ELFN1: variants seen among roughly 807,000 people sequenced by gnomAD.
The protein encoded by ELFN1 is protein ELFN1.
Under a neutral mutation model 7.6 loss-of-function variants are expected in ELFN1, and 6 were observed. The observed-to-expected ratio is 0.79, with a 90% CI of 0.43 to 1.56. ELFN1 has a LOEUF of 1.56. ELFN1 is among the 40% of genes most tolerant of loss of function. ELFN1 has a pLI of 0.01. For missense variants in ELFN1, 1,169 were observed against 1,232.2 expected (o/e 0.95, Z 0.77); for synonymous variants, 657 against 588.1 (o/e 1.12, Z -1.70).
chr7:1,747,790 T>A lies in ELFN1; in HGVS notation c.*707T>A. 6.0e-6 allele frequency: 1 copy of A among 165,824 alleles called. No individual in the cohort carries two copies. The allele number at this position is 165,824 out of a possible 1,614,324, so 10.3% of individuals were successfully genotyped here. A position where few individuals can be genotyped will look rare whatever the true frequency, so the allele number is the denominator to read the frequency against. ...GGCACGTCCCCCAGCCCAGCCCCCA[T>A]GTACACTGTAGTCGTTCTATTGTAC... On this transcript the variant is annotated 3_prime_UTR_variant, in exon 4 of 4. Coordinates refer to ENST00000424383, the MANE Select transcript of ELFN1 (RefSeq NM_001128636.4).
chr7:1,746,390 G>C lies in ELFN1; in HGVS notation c.1794G>C (p.Leu598=), dbSNP rs1033180867. The C allele has an allele frequency of 3.3e-6, 5 of 1,536,542 alleles. No individual in the cohort carries two copies. The East Asian group carries it at 7.4e-5, about 23-fold the overall frequency. ...CCGTGTCCGTCGCGGAGCCGCCGCT[G>C]GTGCTGCTGTCCGAGCCGCTGGCCG... The part of the protein sequence containing the change: ...SGPVSVAEPP[L]VLLSEPLAAK... Residue 598 remains leucine (L), a synonymous_variant, in exon 4 of 4, where the codon CTG becomes CTC. Coordinates refer to ENST00000424383, the MANE Select transcript of ELFN1 (RefSeq NM_001128636.4).
At chr7:1,712,310 C>T (rs1779681044) in intron 3 of ELFN1, among the ~76,000 whole-genome samples, 5 of 152,218 alleles carry the variant, frequency 3.3e-5, no homozygotes, top group African/African-American at 1.2e-4. Context: ...TTAGTAGAGA[C>T]GGGGTTTCAC....
At chr7:1,679,101 C>G (rs1355106174) in intron 1 of ELFN1, among the ~76,000 whole-genome samples, 1 of 152,116 alleles carries the variant, frequency 6.6e-6, no homozygotes, top group African/African-American at 2.4e-5. Flanking sequence ...ATGTTGGCAC[C>G]TACTCAGCTA....
At chr7:1,713,755 G>A (rs1779737372) in intron 3 of ELFN1, among the ~76,000 whole-genome samples, 1 of 152,190 alleles carries the variant, frequency 6.6e-6, no homozygotes, top group Non-Finnish European at 1.5e-5. Context: ...CTGGGGAGGG[G>A]GGGGCGATGT....
intron 3 of ELFN1, among the ~76,000 whole-genome samples, chr7:1,719,159 G>A (rs1346186370): frequency 2.3e-5 from 3 of 129,742 alleles, no homozygotes; most frequent in South Asian, 2.5e-4. Context: ...ACAGGGCCCC[G>A]CCCACCAACA....
At chr7:1,728,011 TC>T (rs1780242715) in intron 3 of ELFN1, among the ~76,000 whole-genome samples, 2 of 151,896 alleles carry the variant, frequency 1.3e-5, no homozygotes, top group South Asian at 4.2e-4. Context: ...GGCCGAGAGG[TC>T]CAAGCACCAC....
At chr7:1,729,689 C>T (rs549440915) in intron 3 of ELFN1, among the ~76,000 whole-genome samples, 2 of 152,248 alleles carry the variant, frequency 1.3e-5, no homozygotes, top group South Asian at 4.1e-4. Flanking sequence ...GTCAAGGTCT[C>T]TGCAGACTCC....
At chr7:1,700,038 AT>A (rs994632777) in intron 2 of ELFN1, among the ~76,000 whole-genome samples, 27 of 152,084 alleles carry the variant, frequency 1.8e-4, no homozygotes, top group African/African-American at 6.3e-4. Context: ...GGTGGTTTCC[AT>A]TTTTTTCCTT....
intron 3 of ELFN1, among the ~76,000 whole-genome samples, chr7:1,742,602 C>T (rs1780658247): frequency 1.3e-5 from 2 of 152,202 alleles, no homozygotes; most frequent in South Asian, 4.1e-4. Context: ...CCCCATTTTC[C>T]CTACCCAAGC....
intron 3 of ELFN1, among the ~76,000 whole-genome samples, chr7:1,721,782 C>T (rs778518324): frequency 6.6e-6 from 1 of 152,192 alleles, no homozygotes; most frequent in African/African-American, 2.4e-5. Flanking sequence ...CCAATCAGTA[C>T]CCCTGCCCAT....
chr7:1,683,055 T>C (rs60255963), intron 1 of ELFN1, among the ~76,000 whole-genome samples: 7,166 of 152,262 alleles, frequency 0.047, 470 homozygotes, highest in African/African-American at 0.15. Context: ...TTGCTGATAT[T>C]TTAAGGATTT....
chr7:1,693,385 C>T (rs1476572021), intron 2 of ELFN1: 1 of 471,128 alleles, frequency 2.1e-6, no homozygotes, highest in Non-Finnish European at 4.4e-6. Context: ...CAGCCGTGTA[C>T]ACACACTGGT....
chr7:1,738,557 T>G (rs1000680602), intron 3 of ELFN1: 1 of 152,336 alleles, frequency 6.6e-6, no homozygotes, highest in South Asian at 2.1e-4. Flanking sequence ...GAGCTATGAT[T>G]GTACCACTGC....
At chr7:1,685,805 CT>C (rs964669265) in intron 1 of ELFN1, among the ~76,000 whole-genome samples, 5 of 147,728 alleles carry the variant, frequency 3.4e-5, no homozygotes, top group African/African-American at 7.4e-5. Flanking sequence ...AATATATAAA[CT>C]GTTGAAAGAT....
intron 3 of ELFN1, among the ~76,000 whole-genome samples, chr7:1,724,782 C>T (rs1780139050): frequency 6.6e-6 from 1 of 152,326 alleles, no homozygotes; most frequent in South Asian, 2.1e-4. Context: ...GGTTCACGGC[C>T]ACCACTGCCC....
chr7:1,697,543 C>G (rs1162221841), intron 2 of ELFN1, among the ~76,000 whole-genome samples: 1 of 152,262 alleles, frequency 6.6e-6, no homozygotes, highest in Non-Finnish European at 1.5e-5. Context: ...CAGCTTCCCA[C>G]TGGCCTTGTC....
At chr7:1,686,793 A>G (rs1458168499) in intron 1 of ELFN1, among the ~76,000 whole-genome samples, 5 of 151,888 alleles carry the variant, frequency 3.3e-5, no homozygotes, top group African/African-American at 1.2e-4. Flanking sequence ...TCCCCTGTGT[A>G]TGTGTGGTAC....
Position 1,745,541 on chromosome 7 carries a change from C to T in ELFN1, c.945C>T (p.Ala315=). Residue 315 remains alanine, a synonymous_variant, in exon 4 of 4, where the codon GCC becomes GCT. Coordinates refer to ENST00000424383, the MANE Select transcript of ELFN1 (RefSeq NM_001128636.4). ...CCACGCTGGCCACGCAGGCCGAGGC[C>T]CGCCCCCTCATCAAGGTCAAGCAGC... is the stretch of plus-strand genomic sequence containing the variant. ...ALPTLATQAE[A]RPLIKVKQLT... 1.3e-6 allele frequency: 2 copies of T among 1,548,566 alleles called. No individual in the cohort carries two copies. Among genetic ancestry groups the T allele is most frequent in the East Asian group, 4.9e-5 (2 of 40,924 alleles).
chr7:1,744,519 C>T lies in ELFN1; in HGVS notation c.-78C>T, dbSNP rs1780718880. The T allele has an allele frequency of 2.1e-6, 3 of 1,410,282 alleles. No individual in the cohort carries two copies. The highest frequency in any genetic ancestry group is 1.5e-5 in the South Asian group (1 of 65,966). 87.4% of individuals were successfully genotyped at this position (1,410,282 alleles called of 1,614,324 possible). A position where few individuals can be genotyped will look rare whatever the true frequency, so the allele number is the denominator to read the frequency against. On this transcript the variant is annotated 5_prime_UTR_variant, in exon 4 of 4. Transcript: ENST00000424383. The stretch of plus-strand genomic sequence containing the variant: ...CACCTCCCCCTCCCGCCCCTCCATC[C>T]CTCTGGGGGCTGGCGCCTGGCCCCC...
Sources: gnomAD v4.1 joint callset for allele counts (sites outside exome capture counted in the v4.1 genomes callset) on GRCh38, gnomAD v4.1.1 for gene constraint, MANE v1.5 for transcripts, NCBI Gene and HGNC (gene_info 2026-07-23, HGNC 2026-07-21) for gene names.